The following CNOT6 variants were observed in gnomAD, a reference collection of about 807,000 sequenced individuals.
The protein encoded by CNOT6 is carbon catabolite repression 4 protein.
Under a neutral mutation model 61.2 loss-of-function variants are expected in CNOT6, and 12 were observed. That is an observed-to-expected ratio of 0.20 (90% CI 0.13 to 0.32). The LOEUF is 0.32. Ranked by LOEUF, CNOT6 falls within the 10% of genes least tolerant of loss-of-function variation. CNOT6 has a pLI of 1.00. For synonymous variants in CNOT6, 225 were observed against 240.6 expected (o/e 0.94, Z 0.60); for missense variants, 405 against 663.9 (o/e 0.61, Z 4.28).
chr5:180,533,464 T>C (rs1327621699), intron 2 of CNOT6, among the ~76,000 whole-genome samples: 2 of 151,812 alleles, frequency 1.3e-5, no homozygotes, highest in Non-Finnish European at 2.9e-5. Flanking sequence ...TGGAATGCAG[T>C]GGCATGATTA....
intron 2 of CNOT6, among the ~76,000 whole-genome samples, chr5:180,537,525 G>A (rs1758761602): frequency 6.6e-6 from 1 of 151,820 alleles, no homozygotes. Flanking sequence ...TTTAAAAAAT[G>A]CGGATATGTC....
intron 1 of CNOT6, among the ~76,000 whole-genome samples, chr5:180,503,705 A>C (rs1236737962): frequency 6.8e-6 from 1 of 146,172 alleles, no homozygotes; most frequent in Non-Finnish European, 1.5e-5. Context: ...TCCCGGGTTC[A>C]AGCGATTCCC....
In CNOT6 at chr5:180,553,392, C is replaced by T; in HGVS notation, c.306C>T (p.Leu102=). The T allele has an allele frequency of 6.2e-7, 1 of 1,612,726 alleles. No homozygotes were observed. The highest frequency in any genetic ancestry group is 8.5e-7 in the Non-Finnish European group (1 of 1,179,040). The change falls in exon 4 of 12, where the codon CTC becomes CTT. Residue 102 remains leucine, a synonymous_variant. Transcript: ENST00000261951. ...GGAATTTTTACATCAACAGGGAGCT[C>T]CATTTAAATAACAACCTGTTACGAG... ...ELGNMVSLRE[L]HLNNNLLRVL...
intron 1 of CNOT6, among the ~76,000 whole-genome samples, chr5:180,500,600 A>G (rs1413707846): frequency 6.6e-6 from 1 of 152,140 alleles, no homozygotes; most frequent in Non-Finnish European, 1.5e-5. Flanking sequence ...ATGCCTGGCT[A>G]ATTCAAATGC....
chr5:180,570,881 A>G (rs938300244), intron 10 of CNOT6, among the ~76,000 whole-genome samples: 1 of 152,194 alleles, frequency 6.6e-6, no homozygotes, highest in Non-Finnish European at 1.5e-5. Flanking sequence ...AAGTCTGCAT[A>G]CTAAGATGCT....
chr5:180,500,984 GAAC>G (rs1756844614), intron 1 of CNOT6, among the ~76,000 whole-genome samples: 2 of 152,060 alleles, frequency 1.3e-5, no homozygotes, highest in Admixed American at 1.3e-4. Context: ...AGCATATTGG[GAAC>G]AACATGGGCT....
chr5:180,524,982 A>T (rs1758032585), intron 1 of CNOT6, among the ~76,000 whole-genome samples: 1 of 152,198 alleles, frequency 6.6e-6, no homozygotes, highest in Non-Finnish European at 1.5e-5. Context: ...CTAGGTTATT[A>T]CTGATACATG....
chr5:180,538,235 T>A (rs1758819125), intron 2 of CNOT6, among the ~76,000 whole-genome samples: 1 of 151,580 alleles, frequency 6.6e-6, no homozygotes, highest in African/African-American at 2.4e-5. Context: ...GAGACGGGGT[T>A]TCACTGTGTT....
intron 1 of CNOT6, among the ~76,000 whole-genome samples, chr5:180,508,724 G>A (rs575036821): frequency 6.6e-6 from 1 of 152,202 alleles, no homozygotes; most frequent in African/African-American, 2.4e-5. Flanking sequence ...TAGAGCTCAA[G>A]CAATCCTTCC....
chr5:180,553,579 C>T, intron 4 of CNOT6, 108 bp downstream of exon 4: 5 of 728,874 alleles, frequency 6.9e-6, no homozygotes, highest in Non-Finnish European at 6.9e-6. Context: ...CATTTTCCCC[C>T]AGACTTCATC....
rs750009649 is a variant in CNOT6, at chr5:180,553,462, G to A, written c.376G>A (p.Gly126Ser). ...AAAACTGTTTCAGTTGCAGACTTTA[G>A]GCCTGAAAGGTATGACTTCCATATT... The part of the protein sequence containing the change: ...LGKLFQLQTL[G>S]LKGNPLTQDI... Residue 126 changes from glycine (G) to serine (S), a missense_variant, in exon 4 of 12, where the codon GGC (glycine) becomes AGC (serine). Gly to Ser is a moderately conservative substitution (Grantham distance 56). Coordinates refer to ENST00000261951, the MANE Select transcript of CNOT6 (RefSeq NM_001370472.1). The A allele has an allele frequency of 8.1e-6, 13 of 1,612,108 alleles. No homozygotes were observed. Among genetic ancestry groups the A allele is most frequent in the Middle Eastern group, 3.3e-4 (2 of 6,046 alleles).
intron 2 of CNOT6, among the ~76,000 whole-genome samples, chr5:180,548,921 G>C (rs1369252497): frequency 6.6e-6 from 1 of 152,182 alleles, no homozygotes; most frequent in East Asian, 1.9e-4. Context: ...TTCTTAGATT[G>C]TAGAAACCAT....
At chr5:180,573,205 A>G (rs913137314) in intron 11 of CNOT6, among the ~76,000 whole-genome samples, 1 of 152,154 alleles carries the variant, frequency 6.6e-6, no homozygotes, top group Non-Finnish European at 1.5e-5. Flanking sequence ...GGCCAAGAGC[A>G]TGTAGAGGGG....
At chr5:180,497,803 G>T (rs950866213) in intron 1 of CNOT6, among the ~76,000 whole-genome samples, 1 of 152,172 alleles carries the variant, frequency 6.6e-6, no homozygotes, top group Non-Finnish European at 1.5e-5. Flanking sequence ...CAGCACTTTG[G>T]GAGGCCGAGG....
Position 180,550,921 on chromosome 5 carries a change from G to A in CNOT6, c.299+804G>A, listed in dbSNP as rs931033090. 2.6e-5 allele frequency among the ~76,000 whole-genome samples: 4 copies of A among 152,056 alleles called. No individual in the cohort carries two copies. In the East Asian group the frequency reaches 7.7e-4, roughly 29 times the overall value. On this transcript the variant is annotated intron_variant, in intron 3 of 11. Transcript: ENST00000261951. Reference sequence around the variant, plus strand: ...GGATTCACATGTGTAAGTTCAGGTTGGAATCTTAACTTTGCCATTTATGAG... The same window carrying A: ...GGATTCACATGTGTAAGTTCAGGTTAGAATCTTAACTTTGCCATTTATGAG...
intron 2 of CNOT6, among the ~76,000 whole-genome samples, chr5:180,531,404 C>T (rs537652898): frequency 2.7e-5 from 4 of 149,834 alleles, no homozygotes; most frequent in African/African-American, 7.4e-5. Flanking sequence ...GGGGCAGAGG[C>T]GCTCCCCGCA....
intron 1 of CNOT6, among the ~76,000 whole-genome samples, chr5:180,525,896 T>C (rs1758078893): frequency 1.3e-5 from 2 of 152,068 alleles, no homozygotes; most frequent in South Asian, 4.2e-4. Context: ...GAAATAAGAA[T>C]ATAAGATCAC....
At chr5:180,507,319 G>C (rs1757171565) in intron 1 of CNOT6, among the ~76,000 whole-genome samples, 1 of 152,164 alleles carries the variant, frequency 6.6e-6, no homozygotes, top group Non-Finnish European at 1.5e-5. Context: ...AGTTTTAGGG[G>C]CCCGGTGTGG....
chr5:180,525,764 A>G (rs1050744342), intron 1 of CNOT6, among the ~76,000 whole-genome samples: 2 of 152,042 alleles, frequency 1.3e-5, no homozygotes, highest in Admixed American at 1.3e-4. Flanking sequence ...AAATCTAAAG[A>G]GTTAGGAGGA....
Sources: allele counts gnomAD v4.1 joint callset (sites outside exome capture counted in the v4.1 genomes callset), GRCh38; gene constraint gnomAD v4.1.1; transcripts MANE v1.5; gene names NCBI Gene and HGNC (gene_info 2026-07-23, HGNC 2026-07-21).